The following SORCS1 variants were observed in gnomAD, a reference collection of about 807,000 sequenced individuals.
SORCS1 encodes the protein sortilin related VPS10 domain containing receptor 1, also known as VPS10 domain-containing receptor SorCS1.
In SORCS1, 60 loss-of-function variants were observed where a neutral mutation model predicts 146.1. That is an observed-to-expected ratio of 0.41 (90% CI 0.33 to 0.51). The LOEUF (loss-of-function observed/expected upper bound fraction) is 0.51. Ranked by LOEUF, SORCS1 falls within the 20% of genes least tolerant of loss-of-function variation. SORCS1 has a pLI of 0.21. For missense variants in SORCS1, 1,352 were observed against 1,487.6 expected, an observed-to-expected ratio of 0.91 and a Z score of 1.50; for synonymous variants, 637 against 584.0, an observed-to-expected ratio of 1.09 and a Z score of -1.31.
chr10:106,814,935 AGG>A (rs1947661832), intron 3 of SORCS1, among the ~76,000 whole-genome samples: 1 of 147,304 alleles, frequency 6.8e-6, no homozygotes, highest in Non-Finnish European at 1.5e-5. Context: ...AAAAAAAAAA[AGG>A]TGGTCTTATA....
At chr10:106,673,092 G>T in intron 14 of SORCS1, 107 bp from the exon 15 acceptor site, 1 of 776,040 alleles carries the variant, frequency 1.3e-6, no homozygotes, top group Non-Finnish European at 2.1e-6. Flanking sequence ...CACATTACAT[G>T]AATCATATCA....
intron 2 of SORCS1, among the ~76,000 whole-genome samples, chr10:106,950,827 G>C (rs1321255218): frequency 6.6e-6 from 1 of 152,056 alleles, no homozygotes; most frequent in Admixed American, 6.6e-5. Context: ...CCATAAAAAT[G>C]AATTAAGAGG....
At chr10:106,839,469 A>G (rs190544276) in intron 2 of SORCS1, among the ~76,000 whole-genome samples, 496 of 152,316 alleles carry the variant, frequency 3.3e-3, no homozygotes, top group Non-Finnish European at 5.4e-3. Flanking sequence ...GTGGAAGAAA[A>G]GTTTCAAGCT....
chr10:106,972,347 C>T (rs1955820955), intron 1 of SORCS1, among the ~76,000 whole-genome samples: 1 of 147,814 alleles, frequency 6.8e-6, no homozygotes, highest in South Asian at 2.1e-4. Flanking sequence ...CACCACTACA[C>T]TCCAGCCTGG....
At chr10:106,985,827 G>A (rs11813568) in intron 1 of SORCS1, among the ~76,000 whole-genome samples, 6,739 of 151,766 alleles carry the variant, frequency 0.044, 530 homozygotes, top group African/African-American at 0.15. Context: ...CAGCCACCGA[G>A]CCTGGACTCA....
At chr10:106,893,895 A>G (rs1350215262) in intron 2 of SORCS1, among the ~76,000 whole-genome samples, 2 of 152,232 alleles carry the variant, frequency 1.3e-5, no homozygotes, top group African/African-American at 4.8e-5. Flanking sequence ...TGAGTTTGCA[A>G]GTAAACAGGA....
intron 1 of SORCS1, among the ~76,000 whole-genome samples, chr10:107,029,043 A>C (rs951975896): frequency 1.6e-4 from 25 of 152,324 alleles, no homozygotes; most frequent in Non-Finnish European, 1.3e-4. Flanking sequence ...AAACTATTAA[A>C]CCAACTGAAG....
At chr10:107,071,326 A>C (rs2134182098) in intron 1 of SORCS1, among the ~76,000 whole-genome samples, 1 of 152,210 alleles carries the variant, frequency 6.6e-6, no homozygotes, top group South Asian at 2.1e-4. Context: ...ACAGTGTTGA[A>C]GCTTTTACGG....
chr10:106,856,447 T>C (rs1261093071), intron 2 of SORCS1, among the ~76,000 whole-genome samples: 1 of 152,196 alleles, frequency 6.6e-6, no homozygotes, highest in Admixed American at 6.5e-5. Context: ...TGGAACATAA[T>C]AGCTAGAGGA....
chr10:106,784,392 CA>C (rs149140867), intron 3 of SORCS1, among the ~76,000 whole-genome samples: 8,019 of 102,142 alleles, frequency 0.079, 207 homozygotes, highest in East Asian at 0.18. Context: ...GAGACTCCGT[CA>C]AAAAAAAAAA....
chr10:106,909,277 T>C (rs1403347428), intron 2 of SORCS1, among the ~76,000 whole-genome samples: 1 of 152,252 alleles, frequency 6.6e-6, no homozygotes. Context: ...CTGAGGACCC[T>C]TGCTGATTTC....
At chr10:106,583,814 T>G (rs933545154) in intron 24 of SORCS1, among the ~76,000 whole-genome samples, 67 of 152,242 alleles carry the variant, frequency 4.4e-4, no homozygotes, top group African/African-American at 1.5e-3. Context: ...CGGTCCCCCT[T>G]GCTGCAGTTT....
chr10:106,882,690 A>G (rs1950851000), intron 2 of SORCS1, among the ~76,000 whole-genome samples: 1 of 152,104 alleles, frequency 6.6e-6, no homozygotes, highest in South Asian at 2.1e-4. Flanking sequence ...TACACACACA[A>G]TCTATTTGTG....
chr10:106,772,866 C>T (rs945598), intron 4 of SORCS1, among the ~76,000 whole-genome samples: 2 of 152,140 alleles, frequency 1.3e-5, no homozygotes, highest in African/African-American at 4.8e-5. Flanking sequence ...AGCTCATATA[C>T]GGTCTATCCT....
Position 106,706,654 on chromosome 10 carries a change from C to T in SORCS1, c.1144-20G>A, listed in dbSNP as rs2756231. 1,597,313 of 1,613,560 alleles carry T rather than the reference C, an allele frequency of 0.99. 791,172 individuals are homozygous for T. The highest frequency in any genetic ancestry group is 1 in the Non-Finnish European group (1,178,039 of 1,179,528). On this transcript the variant is annotated intron_variant, in intron 7 of 25. Coordinates refer to ENST00000263054, the MANE Select transcript of SORCS1 (RefSeq NM_052918.5). ...TGTCAGCTGGATCATAAAAACAAGA[C>T]TGTAAGAAGCTCGAGCTACTGTAAC...
chr10:106,968,156 G>C (rs530858112), intron 1 of SORCS1, among the ~76,000 whole-genome samples: 32 of 152,168 alleles, frequency 2.1e-4, no homozygotes, highest in Middle Eastern at 3.4e-3. Context: ...CTTGCAGTGA[G>C]CCGAGATCGC....
intron 19 of SORCS1, among the ~76,000 whole-genome samples, chr10:106,627,212 C>T (rs1414372825): frequency 1.3e-5 from 2 of 152,064 alleles, no homozygotes; most frequent in African/African-American, 4.8e-5. Context: ...AAAAAACCTA[C>T]AGAGTGACAA....
chr10:106,622,848 T>C (rs1444125934), intron 19 of SORCS1, among the ~76,000 whole-genome samples: 1 of 152,206 alleles, frequency 6.6e-6, no homozygotes, highest in Non-Finnish European at 1.5e-5. Flanking sequence ...GAGCCCTTGT[T>C]CTGAGCAGAT....
chr10:106,784,791 G>T (rs1354204609), intron 3 of SORCS1, among the ~76,000 whole-genome samples: 1 of 152,180 alleles, frequency 6.6e-6, no homozygotes, highest in Non-Finnish European at 1.5e-5. Context: ...AAATGATAAA[G>T]AAACACAGGT....
Sources: gnomAD v4.1 joint callset for allele counts (sites outside exome capture counted in the v4.1 genomes callset) on GRCh38, gnomAD v4.1.1 for gene constraint, MANE v1.5 for transcripts, NCBI Gene and HGNC (gene_info 2026-07-23, HGNC 2026-07-21) for gene names.